RAPGEF4: variants seen among roughly 807,000 people sequenced by gnomAD.
The protein encoded by RAPGEF4 is RAP guanine-nucleotide-exchange factor (GEF) 4.
In RAPGEF4, 66 loss-of-function variants were observed where a neutral mutation model predicts 147.9. That is an observed-to-expected ratio of 0.45 (90% CI 0.37 to 0.55). RAPGEF4 has a LOEUF of 0.55. Ranked by LOEUF, RAPGEF4 falls within the 20% of genes least tolerant of loss-of-function variation. RAPGEF4 has a pLI of 0.00. For synonymous variants in RAPGEF4, 419 were observed against 442.7 expected (o/e 0.95, Z 0.67); for missense variants, 1,071 against 1,257.3 (o/e 0.85, Z 2.24).
chr2:172,773,339 G>C (rs918973336), intron 1 of RAPGEF4, among the ~76,000 whole-genome samples: 1 of 152,076 alleles, frequency 6.6e-6, no homozygotes, highest in Non-Finnish European at 1.5e-5. Flanking sequence ...TTACATATTC[G>C]TTCTTGGACA....
At chr2:172,965,807 C>T (rs1689776094) in intron 9 of RAPGEF4, 124 bp downstream of exon 9, 5 of 1,213,326 alleles carry the variant, frequency 4.1e-6, no homozygotes, top group Non-Finnish European at 5.8e-6. Flanking sequence ...ACCTGCAGAG[C>T]TAGCATCTTC....
At chr2:172,974,601 T>C (rs1690872327) in intron 10 of RAPGEF4, among the ~76,000 whole-genome samples, 1 of 152,210 alleles carries the variant, frequency 6.6e-6, no homozygotes, top group Non-Finnish European at 1.5e-5. Context: ...GAGAATCACC[T>C]GAGCTTAGAA....
intron 4 of RAPGEF4, among the ~76,000 whole-genome samples, chr2:172,889,230 G>A (rs1405697527): frequency 6.6e-6 from 1 of 151,834 alleles, no homozygotes. Context: ...TAAAGAGCTG[G>A]AAGAGATCAC....
intron 1 of RAPGEF4, among the ~76,000 whole-genome samples, chr2:172,738,173 C>G (rs1183363782): frequency 2.0e-5 from 3 of 152,136 alleles, no homozygotes; most frequent in Non-Finnish European, 4.4e-5. Flanking sequence ...CCCTGAAACA[C>G]CTGTTTAGTG....
intron 6 of RAPGEF4, among the ~76,000 whole-genome samples, chr2:172,956,619 G>A (rs1488374313): frequency 2.0e-5 from 3 of 151,904 alleles, no homozygotes; most frequent in South Asian, 2.1e-4. Flanking sequence ...ACAGGTGCCC[G>A]CCACCACGCC....
At chr2:172,746,876 G>A (rs757402649) in intron 1 of RAPGEF4, among the ~76,000 whole-genome samples, 3 of 152,130 alleles carry the variant, frequency 2.0e-5, no homozygotes, top group Non-Finnish European at 4.4e-5. Flanking sequence ...GCCTCCCAAA[G>A]TGCTGGGATT....
At chr2:173,045,901 T>C (rs1685409599) in intron 29 of RAPGEF4, among the ~76,000 whole-genome samples, 1 of 152,172 alleles carries the variant, frequency 6.6e-6, no homozygotes, top group South Asian at 2.1e-4. Context: ...GAGAGTGCCT[T>C]GTAGTTGGGT....
chr2:172,785,769 G>T (rs1292653536), intron 1 of RAPGEF4, among the ~76,000 whole-genome samples: 2 of 152,036 alleles, frequency 1.3e-5, no homozygotes, highest in South Asian at 4.2e-4. Flanking sequence ...ATTATGGGAA[G>T]GCACTGGGCA....
rs368221191 is a variant in RAPGEF4 at position 172,917,586 on chromosome 2, G to A, written c.445-216G>A. 59 of 683,118 alleles carry A rather than the reference G, an allele frequency of 8.6e-5. No homozygotes were observed. The East Asian group carries it at 1.5e-3, about 18-fold the overall frequency. The allele number at this position is 683,118 out of a possible 1,614,324, so 42.3% of individuals were successfully genotyped here. ...ATGAACTGGCGGAGATAGAACCCCT[G>A]CCCCCGGGCACATTCAGTCTTATTC... On this transcript the variant is annotated intron_variant, in intron 4 of 30. Transcript: ENST00000397081.
intron 16 of RAPGEF4, among the ~76,000 whole-genome samples, chr2:172,998,010 A>G (rs557990017): frequency 5.3e-5 from 8 of 152,294 alleles, no homozygotes; most frequent in African/African-American, 1.7e-4. Flanking sequence ...TCTCAGGTCA[A>G]TATTTGTTGA....
Position 172,735,927 on chromosome 2 carries a change from G to A in RAPGEF4, c.-57G>A. ...CGGACGAGGCGGGGGCGGAGGCGCA[G>A]GCAGAGCGAGCGCGGGAGGTCGCCG... On this transcript the variant is annotated 5_prime_UTR_variant, in exon 1 of 31. Coordinates refer to ENST00000397081, the MANE Select transcript of RAPGEF4 (RefSeq NM_007023.4). 2 of 1,383,112 alleles carry A rather than the reference G, an allele frequency of 1.4e-6. No individual in the cohort carries two copies. Among genetic ancestry groups the A allele is most frequent in the Non-Finnish European group, 1.9e-6 (2 of 1,056,882 alleles). The allele number at this position is 1,383,112 out of a possible 1,614,324, so 85.7% of individuals were successfully genotyped here.
At chr2:173,015,169 A>G (rs1258203983) in intron 18 of RAPGEF4, among the ~76,000 whole-genome samples, 2 of 152,210 alleles carry the variant, frequency 1.3e-5, no homozygotes, top group African/African-American at 4.8e-5. Context: ...CAAATGGTAG[A>G]TATTTTTGAG....
intron 3 of RAPGEF4, among the ~76,000 whole-genome samples, chr2:172,807,208 C>T (rs968046092): frequency 3.9e-5 from 6 of 152,090 alleles, no homozygotes; most frequent in African/African-American, 9.7e-5. Context: ...GTTTTTTTGC[C>T]GTGTAATTCT....
At chr2:173,006,565 T>C (rs1015222346) in intron 17 of RAPGEF4, among the ~76,000 whole-genome samples, 2 of 152,216 alleles carry the variant, frequency 1.3e-5, no homozygotes, top group Admixed American at 1.3e-4. Context: ...AATCCACCTT[T>C]TCTGTGTTTC....
chr2:172,772,624 A>G (rs1276574160), intron 1 of RAPGEF4, among the ~76,000 whole-genome samples: 5 of 152,200 alleles, frequency 3.3e-5, no homozygotes, highest in Admixed American at 1.3e-4. Flanking sequence ...GATTACAGGC[A>G]TGAGCCACCG....
In RAPGEF4 at chr2:173,003,692, T is replaced by G. The variant is rs529435107; in HGVS notation, c.1658+2348T>G. ...TCCAGATGATTCCAAACCTGGAGTT[T>G]GCCTTTTTTTTTTCTCTCTCTCTCT... On this transcript the variant is annotated intron_variant, in intron 17 of 30. Coordinates refer to ENST00000397081, the MANE Select transcript of RAPGEF4 (RefSeq NM_007023.4). 5.4e-5 allele frequency among the ~76,000 whole-genome samples: 5 copies of G among 92,496 alleles called. No individual in the cohort carries two copies. The East Asian group carries it at 2.8e-3, about 52-fold the overall frequency. 60.7% of individuals were successfully genotyped at this position (92,496 alleles called of 152,430 possible). A position where few individuals can be genotyped will look rare whatever the true frequency, so the allele number is the denominator to read the frequency against.
At chr2:172,817,311 A>G (rs564301352) in intron 4 of RAPGEF4, among the ~76,000 whole-genome samples, 2 of 152,296 alleles carry the variant, frequency 1.3e-5, no homozygotes, top group East Asian at 3.9e-4. Context: ...TAGGTGCATG[A>G]TTTGAATGTT....
chr2:172,931,984 C>T (rs1006790833), intron 6 of RAPGEF4, among the ~76,000 whole-genome samples: 14 of 149,594 alleles, frequency 9.4e-5, no homozygotes, highest in African/African-American at 3.0e-4. Flanking sequence ...CCCATGCGCC[C>T]CCCACCCCCA....
intron 1 of RAPGEF4, among the ~76,000 whole-genome samples, chr2:172,787,313 C>T (rs1328164248): frequency 6.6e-6 from 1 of 151,972 alleles, no homozygotes; most frequent in African/African-American, 2.4e-5. Flanking sequence ...GACATTATTA[C>T]CATTATGATT....
Sources: gnomAD v4.1 joint callset for allele counts (sites outside exome capture counted in the v4.1 genomes callset) on GRCh38, gnomAD v4.1.1 for gene constraint, MANE v1.5 for transcripts, NCBI Gene and HGNC (gene_info 2026-07-23, HGNC 2026-07-21) for gene names.